GPHN: variants seen among roughly 807,000 people sequenced by gnomAD.
The protein encoded by GPHN is gephyrin.
GPHN carries 17 observed loss-of-function variants against 95.5 expected under a neutral mutation model. The observed-to-expected ratio is 0.18, with a 90% CI of 0.12 to 0.27. The LOEUF (loss-of-function observed/expected upper bound fraction) is 0.27. Among genes scored for constraint, GPHN ranks in the 10% least tolerant of loss-of-function variants. GPHN has a pLI of 1.00. For synonymous variants in GPHN, 320 were observed against 322.5 expected (o/e 0.99, Z 0.08); for missense variants, 660 against 978.1 (o/e 0.67, Z 4.34).
intron 1 of GPHN, among the ~76,000 whole-genome samples, chr14:66,642,331 T>C (rs763058381): frequency 6.6e-6 from 1 of 152,106 alleles, no homozygotes; most frequent in Non-Finnish European, 1.5e-5. Flanking sequence ...AGTCATTGAT[T>C]CCAAGCATGA....
In GPHN at chr14:66,909,729, A is replaced by G. The variant is rs541075387; in HGVS notation, c.390-6274A>G. On this transcript the variant is annotated intron_variant, in intron 5 of 22. Transcript: ENST00000478722. ...GTTAGTATTCTCTTTAAAGTTAGGA[A>G]TAAGACAGAGTCCAAGTATACTTCT... is the stretch of plus-strand genomic sequence containing the variant. Among the ~76,000 whole-genome samples, 6 of 152,150 alleles carry G rather than the reference A, an allele frequency of 3.9e-5. No individual in the cohort carries two copies. The South Asian group carries it at 6.2e-4, about 16-fold the overall frequency.
At chr14:67,089,118 TTTTTTTC>T (rs781244586) in intron 12 of GPHN, 43 bp downstream of exon 12, 7,872 of 648,312 alleles carry the variant, frequency 0.012, 110 homozygotes, top group Middle Eastern at 0.017. Flanking sequence ...GCACTGTATT[TTTTTTTC>T]TTTTTTTCTT....
intron 18 of GPHN, among the ~76,000 whole-genome samples, chr14:67,154,620 T>G (rs755179659): frequency 2.6e-5 from 4 of 151,936 alleles, no homozygotes; most frequent in South Asian, 2.1e-4. Flanking sequence ...TAGATATATA[T>G]AGATATATAT....
At chr14:67,624,206 G>T in the GPHN span, among the ~76,000 whole-genome samples, 1 of 152,174 alleles carries the variant, frequency 6.6e-6, no homozygotes, top group African/African-American at 2.4e-5. Flanking sequence ...CATGTGAGAA[G>T]GAGTGGGCCT....
At chr14:66,852,204 A>G (rs1034558601) in intron 4 of GPHN, among the ~76,000 whole-genome samples, 9 of 152,260 alleles carry the variant, frequency 5.9e-5, no homozygotes, top group African/African-American at 1.9e-4. Context: ...AAAAATCTTT[A>G]TGGATAATCT....
the GPHN span, among the ~76,000 whole-genome samples, chr14:67,282,801 C>T: frequency 6.6e-6 from 1 of 152,106 alleles, no homozygotes. Flanking sequence ...GAGCAAACTA[C>T]CTTGTGAGAG....
intron 8 of GPHN, among the ~76,000 whole-genome samples, chr14:66,939,921 C>T (rs1268850388): frequency 6.6e-6 from 1 of 152,054 alleles, no homozygotes; most frequent in African/African-American, 2.4e-5. Context: ...AGAGAGAAAC[C>T]AGGTTATTAG....
the GPHN span, among the ~76,000 whole-genome samples, chr14:67,315,385 TTCTC>T: frequency 6.6e-6 from 1 of 150,974 alleles, no homozygotes; most frequent in East Asian, 2.0e-4. Context: ...CATGCCCTTC[TTCTC>T]TCTCAGTCTG....
the GPHN span, among the ~76,000 whole-genome samples, chr14:67,487,522 G>A: frequency 6.6e-6 from 1 of 152,322 alleles, no homozygotes; most frequent in South Asian, 2.1e-4. Context: ...TCACCCTGTA[G>A]TGGGTACATC....
At chr14:66,792,932 G>A (rs1484649811) in intron 3 of GPHN, among the ~76,000 whole-genome samples, 1 of 152,406 alleles carries the variant, frequency 6.6e-6, no homozygotes, top group East Asian at 1.9e-4. Context: ...AAATAAAGGG[G>A]TGGGTCTGGC....
chr14:66,654,416 T>C (rs2065206147), intron 1 of GPHN, among the ~76,000 whole-genome samples: 1 of 152,172 alleles, frequency 6.6e-6, no homozygotes, highest in African/African-American at 2.4e-5. Flanking sequence ...TTAATTTACA[T>C]TTTCCTAATG....
chr14:67,300,668 A>G, the GPHN span, among the ~76,000 whole-genome samples: 9 of 151,930 alleles, frequency 5.9e-5, no homozygotes, highest in Admixed American at 5.9e-4. Context: ...AGCACCATAA[A>G]TAGTAGGTGC....
chr14:67,724,331 G>T, the GPHN span: 12 of 722,428 alleles, frequency 1.7e-5, no homozygotes, highest in African/African-American at 3.6e-5. Context: ...TCCTATGAAG[G>T]TTAGCTTTTA....
chr14:67,017,639 C>T (rs2073386683), intron 9 of GPHN, among the ~76,000 whole-genome samples: 1 of 152,046 alleles, frequency 6.6e-6, no homozygotes, highest in Non-Finnish European at 1.5e-5. Flanking sequence ...ATCCTGCTCT[C>T]TTAGAAAATA....
At chr14:66,534,633 A>C (rs2059067878) in intron 1 of GPHN, among the ~76,000 whole-genome samples, 1 of 152,180 alleles carries the variant, frequency 6.6e-6, no homozygotes, top group African/African-American at 2.4e-5. Context: ...TTGTCTTCCA[A>C]AGTGGCTGTA....
chr14:66,685,071 A>G (rs758573495), intron 2 of GPHN, among the ~76,000 whole-genome samples: 36 of 152,184 alleles, frequency 2.4e-4, no homozygotes, highest in Non-Finnish European at 4.7e-4. Context: ...CCTACAAAGG[A>G]CGTGAACTCA....
intron 1 of GPHN, among the ~76,000 whole-genome samples, chr14:66,581,439 C>T (rs984769782): frequency 6.6e-6 from 1 of 151,758 alleles, no homozygotes; most frequent in African/African-American, 2.4e-5. Flanking sequence ...CAGAGCATAG[C>T]ACTAGAGAAA....
intron 2 of GPHN, among the ~76,000 whole-genome samples, chr14:66,773,448 G>T (rs1216435400): frequency 6.6e-6 from 1 of 151,118 alleles, no homozygotes; most frequent in Admixed American, 6.6e-5. Context: ...CTGTCTCCCG[G>T]GTTCAAGCTA....
At chr14:67,307,190 T>G in the GPHN span, among the ~76,000 whole-genome samples, 1 of 152,224 alleles carries the variant, frequency 6.6e-6, no homozygotes, top group Non-Finnish European at 1.5e-5. Flanking sequence ...ACTGGCACAT[T>G]TGATCTAGGA....
Sources: allele counts gnomAD v4.1 joint callset (sites outside exome capture counted in the v4.1 genomes callset), GRCh38; gene constraint gnomAD v4.1.1; transcripts MANE v1.5; gene names NCBI Gene and HGNC (gene_info 2026-07-23, HGNC 2026-07-21).